The following EHBP1L1 variants were observed in gnomAD, a reference collection of about 807,000 sequenced individuals.
EHBP1L1 encodes the protein EH domain binding protein 1 like 1, also known as EH domain-binding protein 1-like protein 1.
EHBP1L1 carries 122 observed loss-of-function variants against 151.1 expected under a neutral mutation model. The ratio of observed to expected loss-of-function variants is 0.81; its 90% CI spans 0.70 to 0.94. EHBP1L1 has a LOEUF of 0.94. EHBP1L1 is among the 40% of genes least tolerant of loss of function. The pLI, the probability that EHBP1L1 is intolerant of heterozygous loss-of-function variation, is 0.00. For missense variants in EHBP1L1, 1,941 were observed against 1,959.8 expected, an observed-to-expected ratio of 0.99 and a Z score of 0.18; for synonymous variants, 878 against 810.1, an observed-to-expected ratio of 1.08 and a Z score of -1.42.
In EHBP1L1 at chr11:65,581,250, CT is replaced by C. The variant is rs1361230853; in HGVS notation, c.744del (p.Val249Ter). The C allele has an allele frequency of 6.2e-7, 1 of 1,611,550 alleles. No individual in the cohort carries two copies. Among genetic ancestry groups the C allele is most frequent in the Non-Finnish European group, 8.5e-7 (1 of 1,179,286 alleles). On this transcript the variant is annotated frameshift_variant, in exon 8 of 19. Coordinates refer to ENST00000309295, the MANE Select transcript of EHBP1L1 (RefSeq NM_001099409.3). LOFTEE classifies it high-confidence loss of function. ...AATGCTGAGGATACCAGCCCAGCCC[CT>C]GTGAGTGCTCCTGCACCCCCAGCCA... ...PSNAEDTSPA[P>X]VSAPAPPART... is the part of the protein sequence containing the mutation.
At chr11:65,579,832 A>AG in intron 3 of EHBP1L1, 104 bp from the exon 4 acceptor site, 1 of 1,298,140 alleles carries the variant, frequency 7.7e-7, no homozygotes, top group Non-Finnish European at 1.1e-6. Flanking sequence ...GTCTCAAAAA[A>AG]AAAAAAAAAG....
At chr11:65,580,595 C>T (rs1313456246) in intron 6 of EHBP1L1, 116 bp downstream of exon 6, 40 of 1,350,256 alleles carry the variant, frequency 3.0e-5, no homozygotes, top group Non-Finnish European at 4.0e-5. Context: ...ACTGCCCAGG[C>T]AGTCCCAACC....
In EHBP1L1 at chr11:65,580,145, C is replaced by T. The variant is rs371180875; in HGVS notation, c.377C>T (p.Pro126Leu). Residue 126 changes from proline to leucine, a missense_variant, in exon 5 of 19, where the codon CCC (proline) becomes CTC (leucine). Pro to Leu is a moderately conservative substitution (Grantham distance 98). Coordinates refer to ENST00000309295, the MANE Select transcript of EHBP1L1 (RefSeq NM_001099409.3). Reference sequence around the variant, plus strand: ...GTGGACCTGGCCCGCCATGCAGGGCCCGTGCCTGTCCAAGTCCCAGTGAGG... The same window carrying T: ...GTGGACCTGGCCCGCCATGCAGGGCTCGTGCCTGTCCAAGTCCCAGTGAGG... ...AEVDLARHAG[P>L]VPVQVPVRLR... 1 of 1,613,660 alleles carries T rather than the reference C, an allele frequency of 6.2e-7. No individual in the cohort carries two copies. The highest frequency in any genetic ancestry group is 8.5e-7 in the Non-Finnish European group (1 of 1,179,836).
chr11:65,592,142 C>G lies in EHBP1L1; in HGVS notation c.4472+52C>G, dbSNP rs966440948. ...GTTGGGAGGGTCCGGGACTTGCTCC[C>G]GCAGAGGGCTGCGTGTGGACCCCGC... On this transcript the variant is annotated intron_variant, in intron 18 of 18. Transcript: ENST00000309295. 4.3e-6 allele frequency: 7 copies of G among 1,609,686 alleles called. No homozygotes were observed. In the South Asian group the frequency reaches 5.5e-5, roughly 13 times the overall value.
intron 13 of EHBP1L1, 52 bp downstream of exon 13, chr11:65,589,872 G>A (rs2135323655): frequency 1.3e-6 from 2 of 1,539,320 alleles, no homozygotes; most frequent in Non-Finnish European, 1.8e-6. Context: ...ACAAAGCCTG[G>A]ACTGGGGACT....
Position 65,582,950 on chromosome 11 carries a change from G to A in EHBP1L1, c.2278G>A (p.Gly760Arg). Residue 760 changes from glycine to arginine, a missense_variant, in exon 9 of 19, where the codon GGG becomes AGG. Coordinates refer to ENST00000309295, the MANE Select transcript of EHBP1L1 (RefSeq NM_001099409.3). ...CCAGGAGATAGAGGTGGGACTTTTG[G>A]GGGTTCTGGGAATAGAGACTGGGGC... ...VAQEIEVGLL[G>R]VLGIETGAAE... 1 of 1,613,198 alleles carries A rather than the reference G, an allele frequency of 6.2e-7. No individual in the cohort carries two copies.
Position 65,592,218 on chromosome 11 carries a change from C to A in EHBP1L1, c.4488C>A (p.Asp1496Glu). The part of the protein sequence containing the change: ...DHKERIALEE[D>E]ERLERGLEQR... ...TTCTCCCCAGCGCCCTGGAGGAGGACGAGCGCCTGGAGCGCGGCCTGGAAC... is the reference window on the plus strand; with the variant it reads ...TTCTCCCCAGCGCCCTGGAGGAGGAAGAGCGCCTGGAGCGCGGCCTGGAAC... Residue 1496 changes from aspartate to glutamate, a missense_variant, in exon 19 of 19, where the codon GAC becomes GAA. Coordinates refer to ENST00000309295, the MANE Select transcript of EHBP1L1 (RefSeq NM_001099409.3). 6.4e-7 allele frequency: 1 copy of A among 1,551,214 alleles called. No individual in the cohort carries two copies. Among genetic ancestry groups the A allele is most frequent in the Middle Eastern group, 1.9e-4 (1 of 5,260 alleles).
At position 65,592,258 on chromosome 11, in the gene EHBP1L1, CTGAGCCGGCAGT is replaced by C. The variant is rs781043524; in HGVS notation, c.4538_4549del (p.Gln1513_Arg1516del). The C allele has an allele frequency of 3.9e-6, 6 of 1,532,896 alleles. No individual in the cohort carries two copies. The highest frequency in any genetic ancestry group is 2.4e-5 in the East Asian group (1 of 40,818). The allele number at this position is 1,532,896 out of a possible 1,614,324, so 95.0% of individuals were successfully genotyped here. ...CGGCCTGGAACAGCGGCGCCGCAAG[CTGAGCCGGCAGT>C]TGAGCCGGCGGGAGCGCTGCGTGCT... On this transcript the variant is annotated inframe_deletion, in exon 19 of 19. Transcript: ENST00000309295.
In EHBP1L1 at chr11:65,583,462, A is replaced by G; in HGVS notation, c.2790A>G (p.Gln930=). 6.2e-7 allele frequency: 1 copy of G among 1,613,526 alleles called. No homozygotes were observed. Among genetic ancestry groups the G allele is most frequent in the Non-Finnish European group, 8.5e-7 (1 of 1,179,756 alleles). ...EISGVQGSET[Q]VLRVQEAEAG... The stretch of plus-strand genomic sequence containing the variant: ...CAGGAGTACAAGGGTCAGAGACTCA[A>G]GTTCTGAGAGTCCAGGAGGCAGAGG... The change falls in exon 9 of 19, where the codon CAA becomes CAG. Residue 930 remains glutamine (Q), a synonymous_variant. Transcript: ENST00000309295.
In EHBP1L1 at chr11:65,584,499, C is replaced by T. The variant is rs767135211; in HGVS notation, c.3265C>T (p.Leu1089=). 5 of 1,612,894 alleles carry T rather than the reference C, an allele frequency of 3.1e-6. No homozygotes were observed. The highest frequency in any genetic ancestry group is 1.7e-5 in the Admixed American group (1 of 59,942). ...CACTCTCTGCAGTGACTATGCCTCG[C>T]TAGACCCACTCAACATCAAGCAGAA... The part of the protein sequence containing the change: ...FYPDKIDYAS[L]DPLNIKQNNK... The change falls in exon 11 of 19, where the codon CTA becomes TTA. Residue 1089 remains leucine, a synonymous_variant. Transcript: ENST00000309295.
intron 1 of EHBP1L1, among the ~76,000 whole-genome samples, chr11:65,576,642 T>G (rs1214932824): frequency 6.6e-6 from 1 of 152,086 alleles, no homozygotes; most frequent in African/African-American, 2.4e-5. Flanking sequence ...CTTTCAGGCC[T>G]GAGGTTCTGC....
Position 65,580,474 on chromosome 11 carries a change from A to C in EHBP1L1, c.629A>C (p.Gln210Pro), listed in dbSNP as rs377050716. The change falls in exon 6 of 19, where the codon CAG (glutamine) becomes CCG (proline). Residue 210 changes from glutamine to proline, a missense_variant. Gln to Pro is a moderately conservative substitution (Grantham distance 76). Coordinates refer to ENST00000309295, the MANE Select transcript of EHBP1L1 (RefSeq NM_001099409.3). The part of the protein sequence containing the change: ...GAPEARARVP[Q>P]PDPSRELKTL... The stretch of plus-strand genomic sequence containing the variant: ...CCGGAGGCCCGGGCTCGAGTCCCCC[A>C]GCCAGGTGGGCTCACAGCCTGCTGT... 688 of 1,611,676 alleles carry C rather than the reference A, an allele frequency of 4.3e-4. No individual in the cohort carries two copies. The highest frequency in any genetic ancestry group is 5.6e-4 in the Non-Finnish European group (661 of 1,179,714).
rs375076166 is a variant in EHBP1L1, at chr11:65,585,651, C to G, written c.3933+60C>G. 1.2e-5 allele frequency: 18 copies of G among 1,523,230 alleles called. No individual in the cohort carries two copies. The highest frequency in any genetic ancestry group is 8.3e-5 in the African/African-American group (6 of 72,420). The allele number at this position is 1,523,230 out of a possible 1,614,324, so 94.4% of individuals were successfully genotyped here. A position where few individuals can be genotyped will look rare whatever the true frequency, so the allele number is the denominator to read the frequency against. On this transcript the variant is annotated intron_variant, in intron 12 of 18. Coordinates refer to ENST00000309295, the MANE Select transcript of EHBP1L1 (RefSeq NM_001099409.3). The surrounding 1 kb of genome is among the most constrained non-coding windows in gnomAD (Gnocchi z 4.0). The stretch of plus-strand genomic sequence containing the variant: ...CAGCGCGGGGTCCCGGGAAGATGGG[C>G]AGAGAACGGGCGAGCCCCCAAGGGG...
intron 1 of EHBP1L1, among the ~76,000 whole-genome samples, chr11:65,576,827 G>T (rs1450072180): frequency 6.6e-6 from 1 of 152,164 alleles, no homozygotes; most frequent in Non-Finnish European, 1.5e-5. Flanking sequence ...TAAGAACAGA[G>T]ATGTTGCCCC....
chr11:65,590,138 G>A lies in EHBP1L1; in HGVS notation c.4111G>A (p.Glu1371Lys), dbSNP rs747427475. 20 of 1,613,728 alleles carry A rather than the reference G, an allele frequency of 1.2e-5. No homozygotes were observed. The Middle Eastern group carries it at 4.9e-4, about 40-fold the overall frequency. Residue 1371 changes from glutamate to lysine, a missense_variant, in exon 15 of 19, where the codon GAA becomes AAA. Coordinates refer to ENST00000309295, the MANE Select transcript of EHBP1L1 (RefSeq NM_001099409.3). ...QYVCAELQAL[E>K]QEQRQIDGRA... ...CGTGTGTGCAGAGCTGCAGGCCCTG[G>A]AACAGGAGCAGAGGCAGATAGATGG...
In EHBP1L1 at chr11:65,583,533, C is replaced by G; in HGVS notation, c.2861C>G (p.Ala954Gly). The change falls in exon 9 of 19, where the codon GCC (alanine) becomes GGC (glycine). Residue 954 changes from alanine to glycine, a missense_variant. Transcript: ENST00000309295. ...GAGGGCAAATCTGGGGCTTGGGGGG[C>G]CCAGGAAGCAGAGATGAAGGTTTTA... ...MSEGKSGAWG[A>G]QEAEMKVLES... 3 of 1,612,746 alleles carry G rather than the reference C, an allele frequency of 1.9e-6. No individual in the cohort carries two copies. In the South Asian group the frequency reaches 3.3e-5, roughly 18 times the overall value.
At chr11:65,579,207 G>A (rs1857470123) in intron 2 of EHBP1L1, 72 bp downstream of exon 2, 4 of 1,537,680 alleles carry the variant, frequency 2.6e-6, no homozygotes, top group Non-Finnish European at 3.5e-6. Context: ...GGGCTGATGG[G>A]GGAGTGGAGT....
chr11:65,582,485 T>C lies in EHBP1L1; in HGVS notation c.1813T>C (p.Leu605=), dbSNP rs376514021. 3.4e-4 allele frequency: 552 copies of C among 1,612,592 alleles called. No homozygotes were observed. The highest frequency in any genetic ancestry group is 4.5e-4 in the Non-Finnish European group (528 of 1,179,734). The part of the protein sequence containing the change: ...PETRTLEIEI[L]GALEKEAARS... ...GACTAGGACACTAGAAATTGAGATA[T>C]TGGGGGCCTTGGAGAAAGAAGCAGC... is the stretch of plus-strand genomic sequence containing the variant. Residue 605 remains leucine, a synonymous_variant, in exon 9 of 19, where the codon TTG becomes CTG. Coordinates refer to ENST00000309295, the MANE Select transcript of EHBP1L1 (RefSeq NM_001099409.3).
chr11:65,582,849 C>A lies in EHBP1L1; in HGVS notation c.2177C>A (p.Thr726Asn). The change falls in exon 9 of 19, where the codon ACC becomes AAC. Residue 726 changes from threonine to asparagine, a missense_variant. Thr to Asn is a moderately conservative substitution (Grantham distance 65). Transcript: ENST00000309295. ...AEGTEAKILG[T>N]QEITARDSGV... ...GGGACAGAAGCTAAAATATTAGGGA[C>A]CCAGGAGATAACAGCTAGGGATTCA... 1.9e-6 allele frequency: 3 copies of A among 1,613,370 alleles called. No individual in the cohort carries two copies. Among genetic ancestry groups the A allele is most frequent in the Non-Finnish European group, 2.5e-6 (3 of 1,179,780 alleles).
Sources: allele counts gnomAD v4.1 joint callset (sites outside exome capture counted in the v4.1 genomes callset), GRCh38; gene constraint gnomAD v4.1.1; non-coding constraint Gnocchi (gnomAD v3.1); transcripts MANE v1.5; gene names NCBI Gene and HGNC (gene_info 2026-07-23, HGNC 2026-07-21).